NEGR1: variants seen among roughly 807,000 people sequenced by gnomAD.
NEGR1 encodes IgLON family member 4.
In NEGR1, 10 loss-of-function variants were observed where a neutral mutation model predicts 40.9. The ratio of observed to expected loss-of-function variants is 0.24; its 90% CI spans 0.15 to 0.42. NEGR1 has a LOEUF of 0.42. Among genes scored for constraint, NEGR1 ranks in the 10% least tolerant of loss-of-function variants. The pLI is 1.00. For synonymous variants in NEGR1, 185 were observed against 166.8 expected (o/e 1.11, Z -0.84); for missense variants, 352 against 438.9 (o/e 0.80, Z 1.77).
intron 1 of NEGR1, among the ~76,000 whole-genome samples, chr1:71,951,810 A>T (rs1361381462): frequency 2.6e-5 from 4 of 151,806 alleles, no homozygotes; most frequent in Non-Finnish European, 5.9e-5. Context: ...TGCTCACTTC[A>T]TGTCTCTGTG....
intron 1 of NEGR1, among the ~76,000 whole-genome samples, chr1:72,164,933 C>G (rs903002700): frequency 1.2e-4 from 18 of 152,036 alleles, no homozygotes; most frequent in Admixed American, 1.1e-3. Flanking sequence ...TGTTTGCTTT[C>G]AAGTCTTACA....
At chr1:71,548,170 G>A (rs11805833) in intron 6 of NEGR1, among the ~76,000 whole-genome samples, 7,039 of 151,708 alleles carry the variant, frequency 0.046, 555 homozygotes, top group African/African-American at 0.16. Context: ...CCACAGAAAC[G>A]GAGATATTAT....
chr1:72,264,593 A>G (rs1396367830), intron 1 of NEGR1, among the ~76,000 whole-genome samples: 2 of 150,492 alleles, frequency 1.3e-5, no homozygotes, highest in Admixed American at 6.7e-5. Context: ...CTTATGCTAC[A>G]ATGTCTTCTA....
intron 1 of NEGR1, among the ~76,000 whole-genome samples, chr1:72,208,963 TCTTG>T (rs1653503728): frequency 6.6e-6 from 1 of 151,672 alleles, no homozygotes; most frequent in Non-Finnish European, 1.5e-5. Context: ...ATTGTAAGTT[TCTTG>T]CTTGTCTCTT....
At chr1:71,721,481 T>G (rs1274921412) in intron 3 of NEGR1, among the ~76,000 whole-genome samples, 1 of 56,620 alleles carries the variant, frequency 1.8e-5, no homozygotes, top group Non-Finnish European at 7.7e-5. Flanking sequence ...GTACAAAAAA[T>G]AAAATAAAAA....
chr1:71,657,069 A>C (rs1296335804), intron 4 of NEGR1, among the ~76,000 whole-genome samples: 1 of 152,244 alleles, frequency 6.6e-6, no homozygotes, highest in Non-Finnish European at 1.5e-5. Context: ...AACCCCATGG[A>C]CCACTGTAGT....
chr1:72,233,569 G>A (rs974856671), intron 1 of NEGR1, among the ~76,000 whole-genome samples: 2 of 152,014 alleles, frequency 1.3e-5, no homozygotes, highest in African/African-American at 2.4e-5. Flanking sequence ...TTCTGCTTTA[G>A]TTCATTTAGG....
intron 1 of NEGR1, among the ~76,000 whole-genome samples, chr1:72,099,171 CAA>C (rs1648832437): frequency 1.3e-5 from 2 of 151,242 alleles, no homozygotes; most frequent in Non-Finnish European, 3.0e-5. Flanking sequence ...GGAAAATTTC[CAA>C]TATAGGGCTA....
chr1:72,080,245 T>C (rs1207384065), intron 1 of NEGR1, among the ~76,000 whole-genome samples: 1 of 152,120 alleles, frequency 6.6e-6, no homozygotes, highest in East Asian at 1.9e-4. Flanking sequence ...TCATGTCATA[T>C]TGAAAATAAT....
chr1:71,748,451 C>T (rs995754045), intron 3 of NEGR1, among the ~76,000 whole-genome samples: 2 of 152,072 alleles, frequency 1.3e-5, no homozygotes, highest in Admixed American at 6.5e-5. Flanking sequence ...AGGTAGACTG[C>T]TATATTTTCT....
Position 71,776,287 on chromosome 1 carries a change from C to A in NEGR1, c.420G>T (p.Lys140Asn). 6.3e-7 allele frequency: 1 copy of A among 1,582,434 alleles called. No individual in the cohort carries two copies. The highest frequency in any genetic ancestry group is 8.6e-7 in the Non-Finnish European group (1 of 1,161,450). The change falls in exon 3 of 7, where the codon AAG becomes AAT. Residue 140 changes from lysine to asparagine, a missense_variant. Physicochemically the swap from Lys to Asn is moderately conservative, Grantham distance 94. Around this residue, in one of 5 missense-constraint regions of NEGR1, gnomAD observed 50 missense variants for 53.0 expected, o/e 0.94. Transcript: ENST00000357731. Reference protein sequence around the residue: ...QVHLTVQVPPKIYDISNDMTV... With the variant: ...QVHLTVQVPPNIYDISNDMTV... ...TCATATCATTTGAGATGTCATATAT[C>A]TTAGGAGGAACTGAAATGACAAAAT... is the stretch of plus-strand genomic sequence containing the variant.
In NEGR1 at chr1:71,909,389, C is replaced by T. The variant is rs75053407; in HGVS notation, c.409+25690G>A. ...ATTTTATATTTCTTCAAAGATAAAT[C>T]CTGGACTAAACCATAGCCTTTTAAT... On this transcript the variant is annotated intron_variant, in intron 2 of 6. Coordinates refer to ENST00000357731, the MANE Select transcript of NEGR1 (RefSeq NM_173808.3). Among the ~76,000 whole-genome samples the T allele has an allele frequency of 6.4e-3, 975 of 152,240 alleles. 7 individuals carry two copies. The Middle Eastern group carries it at 0.085, about 13-fold the overall frequency.
chr1:72,025,066 A>C (rs1179672850), intron 1 of NEGR1, among the ~76,000 whole-genome samples: 1 of 152,184 alleles, frequency 6.6e-6, no homozygotes, highest in Non-Finnish European at 1.5e-5. Context: ...AATTTTCTAC[A>C]AATGAATTAT....
In NEGR1 at chr1:71,456,014, A is replaced by T. The variant is rs987141752; in HGVS notation, c.941-48444T>A. 2.0e-5 allele frequency among the ~76,000 whole-genome samples: 3 copies of T among 152,224 alleles called. No individual in the cohort carries two copies. The South Asian group carries it at 6.2e-4, about 32-fold the overall frequency. Reference sequence around the variant, plus strand: ...TGCACTTTTTCAACAAAGTCATGCAACTGTAATTATTTCTAAATATATGGG... The same window carrying T: ...TGCACTTTTTCAACAAAGTCATGCATCTGTAATTATTTCTAAATATATGGG... On this transcript the variant is annotated intron_variant, in intron 6 of 6. Coordinates refer to ENST00000357731, the MANE Select transcript of NEGR1 (RefSeq NM_173808.3).
chr1:72,262,175 G>T (rs375039007), intron 1 of NEGR1, among the ~76,000 whole-genome samples: 9 of 152,080 alleles, frequency 5.9e-5, no homozygotes, highest in Admixed American at 5.2e-4. Context: ...ACTCGGAAAC[G>T]TGAGTGGCCA....
At chr1:71,780,436 A>G (rs1468795588) in intron 2 of NEGR1, among the ~76,000 whole-genome samples, 1 of 152,212 alleles carries the variant, frequency 6.6e-6, no homozygotes, top group Non-Finnish European at 1.5e-5. Flanking sequence ...ATACTAAATC[A>G]CAGAATATCT....
chr1:71,489,091 T>C (rs1280293394), intron 6 of NEGR1, among the ~76,000 whole-genome samples: 5 of 151,794 alleles, frequency 3.3e-5, no homozygotes, highest in Admixed American at 1.3e-4. Context: ...TTCTTCCTCA[T>C]TGTATGTAGT....
chr1:71,430,675 A>T (rs1569861642), intron 6 of NEGR1, among the ~76,000 whole-genome samples: 2 of 139,912 alleles, frequency 1.4e-5, no homozygotes. Context: ...AAAAGTTGTG[A>T]CTCTCCATAT....
At chr1:72,242,044 T>C (rs1654762522) in intron 1 of NEGR1, among the ~76,000 whole-genome samples, 1 of 151,714 alleles carries the variant, frequency 6.6e-6, no homozygotes, top group Non-Finnish European at 1.5e-5. Flanking sequence ...TAATTATGTG[T>C]TTTTCTAACA....
Sources: allele counts gnomAD v4.1 joint callset (sites outside exome capture counted in the v4.1 genomes callset), GRCh38; gene constraint gnomAD v4.1.1; regional missense constraint gnomAD v4.1.1; transcripts MANE v1.5; gene names NCBI Gene and HGNC (gene_info 2026-07-23, HGNC 2026-07-21).